Variants in ADAM12 observed in about 807,000 individuals in gnomAD.
ADAM12 encodes ADAM metallopeptidase domain 12.
ADAM12 carries 70 observed loss-of-function variants against 106.4 expected under a neutral mutation model. That is an observed-to-expected ratio of 0.66 (90% confidence interval 0.54 to 0.80). The LOEUF is 0.80. Among genes scored for constraint, ADAM12 ranks in the 30% least tolerant of loss-of-function variants. The pLI, the probability that ADAM12 is intolerant of heterozygous loss-of-function variation, is 0.00. For missense variants in ADAM12, 1,010 were observed against 1,171.9 expected (o/e 0.86, Z 2.02); for synonymous variants, 420 against 433.5 (o/e 0.97, Z 0.39).
chr10:126,283,776 T>C (rs781317469), intron 2 of ADAM12, among the ~76,000 whole-genome samples: 9 of 152,220 alleles, frequency 5.9e-5, no homozygotes, highest in Non-Finnish European at 1.2e-4. Flanking sequence ...CTTTTCATCC[T>C]CTTAAGTGTG....
At chr10:126,028,965 A>G (rs528973497) in intron 21 of ADAM12, among the ~76,000 whole-genome samples, 14 of 152,342 alleles carry the variant, frequency 9.2e-5, no homozygotes, top group Admixed American at 7.8e-4. Context: ...ACACTTCTCA[A>G]AAGAAGACAT....
rs1208016911 is a variant in ADAM12 at position 126,013,311 on chromosome 10, T to TA, written c.*3967_*3968insT. ...TTCTCAGCATGGGGCTCCCAAACTT[T>TA]CTTAGAGTGTCATTTGTTTTAGTAT... is the stretch of plus-strand genomic sequence containing the variant. On this transcript the variant is annotated 3_prime_UTR_variant, in exon 23 of 23. Coordinates refer to ENST00000448723, the MANE Select transcript of ADAM12 (RefSeq NM_001288973.2). The surrounding 1 kb of genome is among the most constrained non-coding windows in gnomAD (Gnocchi z 4.3). 1 of 152,236 alleles carries TA rather than the reference T, an allele frequency of 6.6e-6. No individual in the cohort carries two copies. Among genetic ancestry groups the TA allele is most frequent in the Non-Finnish European group, 1.5e-5 (1 of 68,050 alleles). 9.4% of individuals were successfully genotyped at this position (152,236 alleles called of 1,614,324 possible).
At position 126,121,163 on chromosome 10, in the gene ADAM12, T is replaced by C. The variant is rs1420320038; in HGVS notation, c.417-2939A>G. 2.3e-4 allele frequency among the ~76,000 whole-genome samples: 14 copies of C among 59,828 alleles called. 1 individual carries two copies. The highest frequency in any genetic ancestry group is 2.5e-4 in the African/African-American group (3 of 12,028). The allele number at this position is 59,828 out of a possible 152,430, so 39.2% of individuals were successfully genotyped here. ...CTATATATACTATATATACTATATA[T>C]ACTATATATACTATATACACTATAT... On this transcript the variant is annotated intron_variant, in intron 5 of 22. Transcript: ENST00000448723.
chr10:126,071,370 G>A, intron 12 of ADAM12, 107 bp downstream of exon 12: 1 of 1,374,600 alleles, frequency 7.3e-7, no homozygotes, highest in African/African-American at 1.4e-5. Context: ...CTTCCTTCCT[G>A]AGTTCTAGTA....
intron 5 of ADAM12, among the ~76,000 whole-genome samples, chr10:126,132,526 C>CT (rs199547667): frequency 4.7e-5 from 2 of 42,268 alleles, no homozygotes; most frequent in Non-Finnish European, 4.8e-5. Context: ...GCATGAACAC[C>CT]CCCCCCCCCT....
chr10:126,335,937 C>A (rs1854682820), intron 1 of ADAM12, among the ~76,000 whole-genome samples: 3 of 151,846 alleles, frequency 2.0e-5, no homozygotes, highest in Admixed American at 6.6e-5. Flanking sequence ...CTAAAATATA[C>A]CAACCAGTAA....
intron 3 of ADAM12, among the ~76,000 whole-genome samples, chr10:126,230,522 G>A (rs775654991): frequency 6.6e-6 from 1 of 152,128 alleles, no homozygotes; most frequent in Non-Finnish European, 1.5e-5. Context: ...TCCAAACTGT[G>A]TAAGAACCCA....
At chr10:126,098,248 C>T (rs924751725) in intron 10 of ADAM12, among the ~76,000 whole-genome samples, 168 bp downstream of exon 10, 3 of 152,178 alleles carry the variant, frequency 2.0e-5, no homozygotes, top group African/African-American at 7.2e-5. Context: ...TAAATGGTTC[C>T]TAAAACACTG....
chr10:126,195,263 C>A (rs1957575995), intron 3 of ADAM12, among the ~76,000 whole-genome samples: 1 of 152,156 alleles, frequency 6.6e-6, no homozygotes, highest in Non-Finnish European at 1.5e-5. Context: ...ACCACATACA[C>A]ACAAAAATGT....
At chr10:126,019,903 GGCACAGGCCCT>G in intron 21 of ADAM12, 78 bp from the exon 22 acceptor site, 1 of 1,459,760 alleles carries the variant, frequency 6.9e-7, no homozygotes. Flanking sequence ...CCTGCCGCTT[GGCACAGGCCCT>G]GCTTCCTGAA....
intron 3 of ADAM12, among the ~76,000 whole-genome samples, chr10:126,197,540 G>A (rs1957619921): frequency 1.3e-5 from 2 of 152,196 alleles, no homozygotes; most frequent in African/African-American, 2.4e-5. Flanking sequence ...CCAGGAGTCC[G>A]AAGAGGAGCA....
Position 126,225,627 on chromosome 10 carries a change from C to T in ADAM12, c.260+53288G>A, listed in dbSNP as rs530383170. The stretch of plus-strand genomic sequence containing the variant: ...ATGTGTTCAGGCTGCAAAATGAGGG[C>T]AAGAGGGGCCTGGATTCCCCTTCAC... On this transcript the variant is annotated intron_variant, in intron 3 of 22. Coordinates refer to ENST00000448723, the MANE Select transcript of ADAM12 (RefSeq NM_001288973.2). Among the ~76,000 whole-genome samples the T allele has an allele frequency of 2.6e-3, 402 of 152,270 alleles. 1 individual carries two copies. Among genetic ancestry groups the T allele is most frequent in the African/African-American group, 9.1e-3 (379 of 41,558 alleles).
chr10:126,186,984 C>G (rs1957410590), intron 3 of ADAM12, among the ~76,000 whole-genome samples: 1 of 152,166 alleles, frequency 6.6e-6, no homozygotes, highest in Admixed American at 6.5e-5. Context: ...CAGTCACTAA[C>G]TAGATCAATC....
rs529263869 is a variant in ADAM12 at position 126,206,977 on chromosome 10, C to T, written c.261-51672G>A. 2.0e-5 allele frequency among the ~76,000 whole-genome samples: 3 copies of T among 152,174 alleles called. No homozygotes were observed. The East Asian group carries it at 5.8e-4, about 29-fold the overall frequency. On this transcript the variant is annotated intron_variant, in intron 3 of 22. Coordinates refer to ENST00000448723, the MANE Select transcript of ADAM12 (RefSeq NM_001288973.2). ...GGTTTTATAAAGGGGAGTTTCCCTG[C>T]ACAAGCTCTCTTTTCTCTCGTCTGC... is the stretch of plus-strand genomic sequence containing the variant.
chr10:126,226,043 GGGAACA>G (rs146783134), intron 3 of ADAM12, among the ~76,000 whole-genome samples: 4,489 of 152,218 alleles, frequency 0.029, 205 homozygotes, highest in African/African-American at 0.098. Flanking sequence ...CATCTTATGG[GGGAACA>G]GCTGCAGACC....
chr10:126,344,298 T>C (rs1855053531), intron 1 of ADAM12, among the ~76,000 whole-genome samples: 1 of 152,144 alleles, frequency 6.6e-6, no homozygotes, highest in Non-Finnish European at 1.5e-5. Context: ...CCATTTCTTG[T>C]TTTTTGTCAG....
chr10:126,365,146 A>G (rs1245665270), intron 1 of ADAM12, among the ~76,000 whole-genome samples: 1 of 152,176 alleles, frequency 6.6e-6, no homozygotes, highest in African/African-American at 2.4e-5. Flanking sequence ...GTAAAACAGT[A>G]GTAAGCCTAC....
In ADAM12 at chr10:126,021,268, A is replaced by G. The variant is rs192327803; in HGVS notation, c.2530-1443T>C. 3.6e-3 allele frequency among the ~76,000 whole-genome samples: 553 copies of G among 152,350 alleles called. 5 individuals carry two copies. The highest frequency in any genetic ancestry group is 0.013 in the African/African-American group (531 of 41,582). ...TAATAACCAAGTGCTTCAATTCACC[A>G]TCATAGGACCCAGTATATATCTAGC... is the stretch of plus-strand genomic sequence containing the variant. On this transcript the variant is annotated intron_variant, in intron 21 of 22. Transcript: ENST00000448723.
At chr10:126,168,773 G>A (rs1243007430) in intron 3 of ADAM12, among the ~76,000 whole-genome samples, 1 of 151,468 alleles carries the variant, frequency 6.6e-6, no homozygotes, top group Non-Finnish European at 1.5e-5. Flanking sequence ...TTAGCGCACG[G>A]CCAGGCGCGG....
Sources: gnomAD v4.1 joint callset for allele counts (sites outside exome capture counted in the v4.1 genomes callset) on GRCh38, gnomAD v4.1.1 for gene constraint, Gnocchi (gnomAD v3.1) non-coding constraint, MANE v1.5 for transcripts, NCBI Gene and HGNC (gene_info 2026-07-23, HGNC 2026-07-21) for gene names.